The following HTR1F variants were observed in gnomAD, a reference collection of about 807,000 sequenced individuals.
The protein encoded by HTR1F is 5-hydroxytryptamine (serotonin) receptor 1F, G protein-coupled.
A neutral mutation model predicts 24.0 loss-of-function variants in HTR1F; 17 were observed. That is an observed-to-expected ratio of 0.71 (90% CI 0.48 to 1.06). The LOEUF is 1.06. Ranked by LOEUF, HTR1F falls within the 50% of genes least tolerant of loss-of-function variation. The pLI, the probability that HTR1F is intolerant of heterozygous loss-of-function variation, is 0.00. For missense variants in HTR1F, 391 were observed against 427.8 expected (o/e 0.91, Z 0.76); for synonymous variants, 186 against 156.8 (o/e 1.19, Z -1.39).
intron 2 of HTR1F, among the ~76,000 whole-genome samples, chr3:87,857,581 A>G (rs1018040173): frequency 6.6e-6 from 1 of 152,254 alleles, no homozygotes; most frequent in South Asian, 2.1e-4. Context: ...AGTCTTTTTA[A>G]AGACTTTTTT....
At chr3:87,937,941 A>AG (rs1704467536) in intron 2 of HTR1F, among the ~76,000 whole-genome samples, 1 of 150,294 alleles carries the variant, frequency 6.7e-6, no homozygotes, top group African/African-American at 2.5e-5. Flanking sequence ...AAAAAAAAAA[A>AG]AAGAAGAAAG....
At chr3:87,982,791 G>C (rs777975574) in intron 2 of HTR1F, among the ~76,000 whole-genome samples, 1 of 152,096 alleles carries the variant, frequency 6.6e-6, no homozygotes, top group Non-Finnish European at 1.5e-5. Flanking sequence ...TTATCTTTTT[G>C]AATAGGGGTG....
At chr3:87,856,309 T>C (rs62267040) in intron 2 of HTR1F, among the ~76,000 whole-genome samples, 1 of 152,016 alleles carries the variant, frequency 6.6e-6, no homozygotes, top group Non-Finnish European at 1.5e-5. Flanking sequence ...GAGTAAGAGA[T>C]GACAGAATCC....
At chr3:87,842,928 T>A (rs139315483) in intron 2 of HTR1F, among the ~76,000 whole-genome samples, 4 of 151,930 alleles carry the variant, frequency 2.6e-5, no homozygotes, top group Non-Finnish European at 5.9e-5. Flanking sequence ...ACTACAGGTT[T>A]GAAAGGACAC....
chr3:87,960,352 A>G (rs1342791509), intron 2 of HTR1F, among the ~76,000 whole-genome samples: 1 of 152,018 alleles, frequency 6.6e-6, no homozygotes, highest in Non-Finnish European at 1.5e-5. Flanking sequence ...GTAGCTGCCC[A>G]GATGGTTTAT....
At chr3:87,808,322 A>C (rs1704105889) in intron 1 of HTR1F, among the ~76,000 whole-genome samples, 1 of 151,860 alleles carries the variant, frequency 6.6e-6, no homozygotes, top group Admixed American at 6.6e-5. Flanking sequence ...CAGATTTTTA[A>C]TTTCTTCCTG....
intron 2 of HTR1F, among the ~76,000 whole-genome samples, chr3:87,919,666 T>C (rs1161540286): frequency 2.6e-5 from 4 of 151,920 alleles, no homozygotes; most frequent in African/African-American, 9.7e-5. Context: ...AACCACGATA[T>C]GATACCACCT....
At chr3:87,869,408 G>GATAC (rs1273934124) in intron 2 of HTR1F, among the ~76,000 whole-genome samples, 15 of 130,724 alleles carry the variant, frequency 1.1e-4, no homozygotes, top group Non-Finnish European at 2.3e-4. Flanking sequence ...TAGATAGATA[G>GATAC]ATAGATAGAT....
intron 2 of HTR1F, among the ~76,000 whole-genome samples, chr3:87,909,043 A>T (rs1418834567): frequency 1.3e-5 from 2 of 152,062 alleles, no homozygotes; most frequent in Non-Finnish European, 2.9e-5. Flanking sequence ...GTGTATGAGG[A>T]AGCCTATACT....
In HTR1F at chr3:87,946,162, C is replaced by A. The variant is rs75603776; in HGVS notation, c.-42-44546C>A. Among the ~76,000 whole-genome samples, 58 of 152,294 alleles carry A rather than the reference C, an allele frequency of 3.8e-4. No homozygotes were observed. The East Asian group carries it at 9.5e-3, about 25-fold the overall frequency. On this transcript the variant is annotated intron_variant, in intron 2 of 2. Coordinates refer to ENST00000319595, the MANE Select transcript of HTR1F (RefSeq NM_001322209.2). ...TAGCCCAATCGGGAGCGGCAATGGG[C>A]GCATCGCTGGATCAGGAGCACAGCG...
At chr3:87,891,650 T>A (rs1045279050) in intron 2 of HTR1F, among the ~76,000 whole-genome samples, 3 of 152,192 alleles carry the variant, frequency 2.0e-5, no homozygotes, top group African/African-American at 7.2e-5. Flanking sequence ...TAAACCCTCT[T>A]TATGTTTTAC....
At chr3:87,959,847 ATATT>A (rs1705023677) in intron 2 of HTR1F, among the ~76,000 whole-genome samples, 1 of 151,720 alleles carries the variant, frequency 6.6e-6, no homozygotes, top group African/African-American at 2.4e-5. Context: ...AAGTAAGCAC[ATATT>A]TAAACAGGTT....
intron 2 of HTR1F, among the ~76,000 whole-genome samples, chr3:87,906,742 C>A (rs1412834525): frequency 6.6e-6 from 1 of 151,700 alleles, no homozygotes; most frequent in Non-Finnish European, 1.5e-5. Context: ...ATTCTTATGC[C>A]TTTGCATCCT....
chr3:87,987,642 TTA>T (rs10575272), intron 2 of HTR1F, among the ~76,000 whole-genome samples: 6 of 63,002 alleles, frequency 9.5e-5, no homozygotes, highest in Non-Finnish European at 1.2e-4. Context: ...TATATGTATT[TTA>T]TATATATATA....
intron 2 of HTR1F, among the ~76,000 whole-genome samples, chr3:87,923,025 T>C (rs1329425482): frequency 2.6e-5 from 4 of 151,920 alleles, no homozygotes; most frequent in African/African-American, 9.7e-5. Flanking sequence ...ATTAAGACTG[T>C]CCCATCCCCA....
rs577031071 is a variant in HTR1F, at chr3:87,874,494, C to A, written c.-43+52370C>A. ...CATTGCTGAAAGAATTGAAGGACGACAAAAACAAATGCAAAGATATCTCAC... is the reference window on the plus strand; with the variant it reads ...CATTGCTGAAAGAATTGAAGGACGAAAAAAACAAATGCAAAGATATCTCAC... On this transcript the variant is annotated intron_variant, in intron 2 of 2. Coordinates refer to ENST00000319595, the MANE Select transcript of HTR1F (RefSeq NM_001322209.2). 3.9e-5 allele frequency among the ~76,000 whole-genome samples: 6 copies of A among 152,024 alleles called. No homozygotes were observed. The South Asian group carries it at 1.2e-3, about 32-fold the overall frequency.
chr3:87,854,068 T>C (rs1206036573), intron 2 of HTR1F, among the ~76,000 whole-genome samples: 2 of 152,072 alleles, frequency 1.3e-5, no homozygotes, highest in Non-Finnish European at 2.9e-5. Context: ...TTAATATCTT[T>C]ACATTTATTT....
chr3:87,965,745 T>C (rs1489686325), intron 2 of HTR1F, among the ~76,000 whole-genome samples: 1 of 152,186 alleles, frequency 6.6e-6, no homozygotes, highest in Admixed American at 6.6e-5. Flanking sequence ...TAATTTTAGA[T>C]AGCTTACACA....
intron 1 of HTR1F, among the ~76,000 whole-genome samples, chr3:87,805,620 T>A (rs1287879809): frequency 1.3e-5 from 2 of 152,084 alleles, no homozygotes; most frequent in Non-Finnish European, 2.9e-5. Flanking sequence ...GTATTTATCA[T>A]TTCCATGTGT....
Sources: allele counts gnomAD v4.1 joint callset (sites outside exome capture counted in the v4.1 genomes callset), GRCh38; gene constraint gnomAD v4.1.1; transcripts MANE v1.5; gene names NCBI Gene and HGNC (gene_info 2026-07-23, HGNC 2026-07-21).